The following SZT2 variants were observed in gnomAD, a reference collection of about 807,000 sequenced individuals.
SZT2 encodes the protein KICSTOR complex protein SZT2.
In SZT2, 216 loss-of-function variants were observed where a neutral mutation model predicts 404.2. The ratio of observed to expected loss-of-function variants is 0.53; its 90% CI spans 0.48 to 0.60. The LOEUF (loss-of-function observed/expected upper bound fraction) is 0.60, where lower values mean the gene tolerates loss of function less well. Among genes scored for constraint, SZT2 ranks in the 20% least tolerant of loss-of-function variants. SZT2 has a pLI of 0.00. For synonymous variants in SZT2, 1,693 were observed against 1,749.9 expected, an observed-to-expected ratio of 0.97 and a Z score of 0.81; for missense variants, 3,857 against 4,459.2, an observed-to-expected ratio of 0.86 and a Z score of 3.85.
chr1:43,446,865 T>C, intron 65 of SZT2, 90 bp from the exon 66 acceptor site: 2 of 1,374,554 alleles, frequency 1.5e-6, no homozygotes, highest in Middle Eastern at 4.4e-4. Context: ...AGGGGAAATC[T>C]TGTGCTTCTT....
rs145275202 is a variant in SZT2 at position 43,412,830 on chromosome 1, T to C, written c.499-2252T>C. On this transcript the variant is annotated intron_variant, in intron 4 of 71. Transcript: ENST00000634258. ...CCAATAATCTGATTTTAAAATGGGA[T>C]TTTTTTTATCTTAAAAAAGATCTCA... The C allele has an allele frequency of 4.9e-3, 741 of 152,028 alleles. 10 individuals carry two copies. The highest frequency in any genetic ancestry group is 0.017 in the African/African-American group (706 of 41,474). The allele number at this position is 152,028 out of a possible 1,614,324, so 9.4% of individuals were successfully genotyped here.
rs1039214711 is a variant in SZT2, at chr1:43,407,977, C to T, written c.498+3427C>T. ...CCTCCCGAGTAGCTGGGACTACAGGCGCCCGCCACCACGCCCGGCTAATTT... is the reference window on the plus strand; with the variant it reads ...CCTCCCGAGTAGCTGGGACTACAGGTGCCCGCCACCACGCCCGGCTAATTT... On this transcript the variant is annotated intron_variant, in intron 4 of 71. Coordinates refer to ENST00000634258, the MANE Select transcript of SZT2 (RefSeq NM_001365999.1). Among the ~76,000 whole-genome samples the T allele has an allele frequency of 5.3e-5, 8 of 151,526 alleles. No homozygotes were observed. The South Asian group carries it at 8.3e-4, about 16-fold the overall frequency.
chr1:43,394,011 C>G (rs1407889022), intron 1 of SZT2: 5 of 907,172 alleles, frequency 5.5e-6, no homozygotes, highest in African/African-American at 1.8e-5. Flanking sequence ...TCCCTGACCC[C>G]GAAACTCTAC....
chr1:43,439,447 G>A lies in SZT2; in HGVS notation c.6877+5G>A, dbSNP rs780792275. The A allele has an allele frequency of 3.7e-6, 6 of 1,608,414 alleles. No individual in the cohort carries two copies. The highest frequency in any genetic ancestry group is 1.3e-5 in the African/African-American group (1 of 74,842). ...GACAGGGCACTGGGGGCAAAGGTAC[G>A]GTGCAGGGCACGGGCCTGTGGCACC... is the stretch of plus-strand genomic sequence containing the variant. On this transcript the variant is annotated splice_donor_5th_base_variant and intron_variant, in intron 49 of 71. Coordinates refer to ENST00000634258, the MANE Select transcript of SZT2 (RefSeq NM_001365999.1). This position sits in a 1 kb window ranked among gnomAD's most constrained non-coding sequence, Gnocchi z 4.2.
intron 42 of SZT2, chr1:43,436,467 T>C (rs1654467596): frequency 6.6e-6 from 1 of 152,254 alleles, no homozygotes; most frequent in African/African-American, 2.4e-5. Flanking sequence ...CTCATTTTAG[T>C]CTCTCCAGAA....
intron 5 of SZT2, 80 bp from the exon 6 acceptor site, chr1:43,415,880 G>C: frequency 6.7e-7 from 1 of 1,486,586 alleles, no homozygotes; most frequent in Non-Finnish European, 9.0e-7. Context: ...GAGAAGTGCT[G>C]GGCTATAAAT....
At position 43,430,546 on chromosome 1, in the gene SZT2, G is replaced by A. The variant is rs76675748; in HGVS notation, c.4531G>A (p.Val1511Ile). ...VVTESDPELEVEYRESRESDL... is the reference protein window; with the variant it reads ...VVTESDPELEIEYRESRESDL... Reference sequence around the variant, plus strand: ...CACTGAGAGTGACCCAGAGCTAGAGGTAGAATACCGGGAGAGCCGTGAATC... The same window carrying A: ...CACTGAGAGTGACCCAGAGCTAGAGATAGAATACCGGGAGAGCCGTGAATC... The change falls in exon 32 of 72, where the codon GTA becomes ATA. Residue 1511 changes from valine to isoleucine, a missense_variant. Val to Ile is a conservative substitution (Grantham distance 29). Transcript: ENST00000634258. 5.0e-3 allele frequency: 8,067 copies of A among 1,614,228 alleles called. 39 individuals carry two copies. Among genetic ancestry groups the A allele is most frequent in the Non-Finnish European group, 6.2e-3 (7,268 of 1,180,038 alleles).
chr1:43,391,039 G>C (rs1391272067), intron 1 of SZT2, among the ~76,000 whole-genome samples: 1 of 152,122 alleles, frequency 6.6e-6, no homozygotes, highest in Non-Finnish European at 1.5e-5. Flanking sequence ...AAAGTAAGCC[G>C]GGCGCAGTGG....
rs778899495 is a variant in SZT2 at position 43,431,864 on chromosome 1, T to A, written c.5237T>A (p.Val1746Glu). ...CGCCAAACTCTGCCACTGAGTTTTG[T>A]ATTTGGGCCAGAGCGTTCCCTCACA... ...CLRQTLPLSF[V>E]FGPERSLTQF... Residue 1746 changes from valine to glutamate, a missense_variant, in exon 36 of 72, where the codon GTA becomes GAA. Val to Glu is a moderately radical substitution (Grantham distance 121). This residue lies in a region of SZT2 where 1,725 missense variants were observed against 1,881.0 expected (regional missense o/e 0.92). Transcript: ENST00000634258. 2 of 1,614,192 alleles carry A rather than the reference T, an allele frequency of 1.2e-6. No individual in the cohort carries two copies. Among genetic ancestry groups the A allele is most frequent in the Non-Finnish European group, 1.7e-6 (2 of 1,180,022 alleles).
chr1:43,404,370 C>T lies in SZT2; in HGVS notation c.328-10C>T, dbSNP rs1650044210. 1 of 1,607,304 alleles carries T rather than the reference C, an allele frequency of 6.2e-7. No individual in the cohort carries two copies. Among genetic ancestry groups the T allele is most frequent in the East Asian group, 2.2e-5 (1 of 44,710 alleles). ...TTGGACCCCCTTGAGTGCTCTTTCT[C>T]TGCCCTCAGGATGATTCCACAGGGG... On this transcript the variant is annotated splice_polypyrimidine_tract_variant and intron_variant, in intron 3 of 71. Transcript: ENST00000634258.
Position 43,416,629 on chromosome 1 carries a change from T to C in SZT2, c.867T>C (p.Cys289=). 1 of 1,597,638 alleles carries C rather than the reference T, an allele frequency of 6.3e-7. No homozygotes were observed. Among genetic ancestry groups the C allele is most frequent in the Non-Finnish European group, 8.5e-7 (1 of 1,179,532 alleles). ...LNQLRSGTVA[C]SFVQVGGVYS... ...AGCTTCGCAGTGGCACTGTGGCTTG[T>C]TCCTTTGTCCAGGTGAGGACTTTTT... Residue 289 remains cysteine (C), a synonymous_variant, in exon 7 of 72, where the codon TGT becomes TGC. Transcript: ENST00000634258.
Position 43,420,970 on chromosome 1 carries a change from A to AACACGCTGCAGAGGTCAGTGAAGTCATC in SZT2, c.1486_1496+17dup. On this transcript the variant is annotated frameshift_variant, in exon 10 of 72. Coordinates refer to ENST00000634258, the MANE Select transcript of SZT2 (RefSeq NM_001365999.1). LOFTEE classifies it high-confidence loss of function. This position sits in a 1 kb window ranked among gnomAD's most constrained non-coding sequence, Gnocchi z 5.1. Reference sequence around the variant, plus strand: ...TACCCATGTTATCCGGCGTTTCTGGAACACGCTGCAGAGGTCAGTGAAGTC... The same window carrying AACACGCTGCAGAGGTCAGTGAAGTCATC: ...TACCCATGTTATCCGGCGTTTCTGGAACACGCTGCAGAGGTCAGTGAAGTCATCACACGCTGCAGAGGTCAGTGAAGTC... 6.3e-7 allele frequency: 1 copy of AACACGCTGCAGAGGTCAGTGAAGTCATC among 1,598,410 alleles called. No homozygotes were observed. The highest frequency in any genetic ancestry group is 8.5e-7 in the Non-Finnish European group (1 of 1,179,800).
Position 43,447,022 on chromosome 1 carries a change from A to C in SZT2, c.9140A>C (p.Tyr3047Ser). ...RDLMHVHSFS[Y>S]DFHLRLVHQH... ...CTGATGCACGTGCACTCGTTCAGCTATGACTTCCATCTGCGCCTCGTGCAT... is the reference window on the plus strand; with the variant it reads ...CTGATGCACGTGCACTCGTTCAGCTCTGACTTCCATCTGCGCCTCGTGCAT... Residue 3047 changes from tyrosine (Y) to serine (S), a missense_variant, in exon 66 of 72, where the codon TAT becomes TCT. By Grantham distance (144) the Tyr-to-Ser change is moderately radical. Coordinates refer to ENST00000634258, the MANE Select transcript of SZT2 (RefSeq NM_001365999.1). The C allele has an allele frequency of 1.2e-6, 2 of 1,613,952 alleles. No homozygotes were observed. Among genetic ancestry groups the C allele is most frequent in the Non-Finnish European group, 1.7e-6 (2 of 1,180,034 alleles).
chr1:43,419,941 T>G lies in SZT2; in HGVS notation c.1087T>G (p.Cys363Gly). The G allele has an allele frequency of 6.3e-7, 1 of 1,598,222 alleles. No homozygotes were observed. Among genetic ancestry groups the G allele is most frequent in the Non-Finnish European group, 8.5e-7 (1 of 1,179,636 alleles). The change falls in exon 8 of 72, where the codon TGC becomes GGC. Residue 363 changes from cysteine (C) to glycine (G), a missense_variant. Physicochemically the swap from Cys to Gly is radical, Grantham distance 159. Transcript: ENST00000634258. ...SGEALNPEYYCGSQHRLFNEH... is the reference protein window; with the variant it reads ...SGEALNPEYYGGSQHRLFNEH... The stretch of plus-strand genomic sequence containing the variant: ...GGAAGCACTGAACCCTGAATATTAC[T>G]GCGGTGAGAGGCACACTGAGGTGGG...
At position 43,425,307 on chromosome 1, in the gene SZT2, C is replaced by A; in HGVS notation, c.2645+100C>A. 2 of 1,533,068 alleles carry A rather than the reference C, an allele frequency of 1.3e-6. No individual in the cohort carries two copies. Among genetic ancestry groups the A allele is most frequent in the Non-Finnish European group, 1.8e-6 (2 of 1,120,078 alleles). 95.0% of individuals were successfully genotyped at this position (1,533,068 alleles called of 1,614,324 possible). A position where few individuals can be genotyped will look rare whatever the true frequency, so the allele number is the denominator to read the frequency against. On this transcript the variant is annotated intron_variant, in intron 18 of 71. Coordinates refer to ENST00000634258, the MANE Select transcript of SZT2 (RefSeq NM_001365999.1). The surrounding 1 kb of genome is among the most constrained non-coding windows in gnomAD (Gnocchi z 4.3). ...CCATATCCTGAGATGATCTTGATCC[C>A]AAAGTCAGGGAGGGGGTGCGGTGTT...
chr1:43,420,892 A>G lies in SZT2; in HGVS notation c.1405A>G (p.Ile469Val). ...VEVTMEGGYDILHDVSCALRQ... is the reference protein window; with the variant it reads ...VEVTMEGGYDVLHDVSCALRQ... ...AGTGACGATGGAAGGCGGCTACGACATTTTGCATGATGTGTCCTGTGCACT... is the reference window on the plus strand; with the variant it reads ...AGTGACGATGGAAGGCGGCTACGACGTTTTGCATGATGTGTCCTGTGCACT... Residue 469 changes from isoleucine to valine, a missense_variant, in exon 10 of 72, where the codon ATT becomes GTT. Ile to Val is a conservative substitution (Grantham distance 29). Around this residue, in one of 7 missense-constraint regions of SZT2, gnomAD observed 536 missense variants for 637.4 expected, o/e 0.84. Transcript: ENST00000634258. The surrounding 1 kb of genome is among the most constrained non-coding windows in gnomAD (Gnocchi z 5.1). 1.3e-6 allele frequency: 2 copies of G among 1,598,370 alleles called. No homozygotes were observed. The highest frequency in any genetic ancestry group is 1.7e-6 in the Non-Finnish European group (2 of 1,179,794).
rs201832442 is a variant in SZT2, at chr1:43,450,408, G to A, written c.10227G>A (p.Leu3409=). 6.2e-7 allele frequency: 1 copy of A among 1,613,940 alleles called. No homozygotes were observed. Among genetic ancestry groups the A allele is most frequent in the Non-Finnish European group, 8.5e-7 (1 of 1,179,964 alleles). The change falls in exon 72 of 72, where the codon CTG becomes CTA. Residue 3409 remains leucine (L), a synonymous_variant. Transcript: ENST00000634258. This position sits in a 1 kb window ranked among gnomAD's most constrained non-coding sequence, Gnocchi z 4.3. ...PQDSESPPAQ[L]VSTYHHLESV... ...ACAGCGAGAGCCCCCCTGCCCAACT[G>A]GTCTCCACCTACCACCACCTGGAGT...
At chr1:43,438,155 G>A in intron 46 of SZT2, 1 of 468,680 alleles carries the variant, frequency 2.1e-6, no homozygotes, top group Non-Finnish European at 3.9e-6. Flanking sequence ...CCTCAAGCAG[G>A]AGCTGCATGG....
At chr1:43,417,957 A>T (rs2153931816) in intron 7 of SZT2, among the ~76,000 whole-genome samples, 1 of 152,258 alleles carries the variant, frequency 6.6e-6, no homozygotes, top group South Asian at 2.1e-4. Context: ...TTTGGAAGAA[A>T]ATTTTACTGG....
Sources: gnomAD v4.1 joint callset for allele counts (sites outside exome capture counted in the v4.1 genomes callset) on GRCh38, gnomAD v4.1.1 for gene constraint, gnomAD v4.1.1 regional missense constraint, Gnocchi (gnomAD v3.1) non-coding constraint, MANE v1.5 for transcripts, NCBI Gene and HGNC (gene_info 2026-07-23, HGNC 2026-07-21) for gene names.